The following PTPRS variants were observed in gnomAD, a reference collection of about 807,000 sequenced individuals.
PTPRS encodes protein tyrosine phosphatase receptor type S.
A neutral mutation model predicts 215.3 loss-of-function variants in PTPRS; 63 were observed. That is an observed-to-expected ratio of 0.29 (90% CI 0.24 to 0.36). The LOEUF is 0.36. Among genes scored for constraint, PTPRS ranks in the 10% least tolerant of loss-of-function variants. The pLI is 1.00. For synonymous variants in PTPRS, 1,404 were observed against 1,191.4 expected (o/e 1.18, Z -3.68); for missense variants, 2,258 against 2,825.8 (o/e 0.80, Z 4.56).
chr19:5,285,056 T>C (rs1170718057), intron 2 of PTPRS, among the ~76,000 whole-genome samples: 1 of 152,208 alleles, frequency 6.6e-6, no homozygotes, highest in East Asian at 1.9e-4. Flanking sequence ...AATACCTACG[T>C]TTGTGGTAAC....
At chr19:5,300,240 C>CA (rs67349608) in intron 1 of PTPRS, among the ~76,000 whole-genome samples, 12,661 of 113,282 alleles carry the variant, frequency 0.11, 817 homozygotes, top group African/African-American at 0.2. Flanking sequence ...GACTCCATCT[C>CA]AAAAAAAAAA....
chr19:5,316,486 G>C (rs560292470), intron 1 of PTPRS, among the ~76,000 whole-genome samples: 1 of 152,084 alleles, frequency 6.6e-6, no homozygotes, highest in African/African-American at 2.4e-5. Context: ...TCGGCCTCCC[G>C]GGTTCAAGCA....
intron 1 of PTPRS, among the ~76,000 whole-genome samples, chr19:5,331,127 T>TAAAAAAAAAAAA (rs1568622692): frequency 4.3e-4 from 35 of 80,694 alleles, no homozygotes; most frequent in Middle Eastern, 6.8e-3. Flanking sequence ...GCTTCTTTTT[T>TAAAAAAAAAAAA]TAAAAAAAAA....
Position 5,248,271 on chromosome 19 carries a change from G to A in PTPRS, c.719-2226C>T, listed in dbSNP as rs2044687116. ...GGTATCGACGTCCAAAACAAAACCA[G>A]GAAGAACAAATGAAATAACAAAGCA... is the stretch of plus-strand genomic sequence containing the variant. On this transcript the variant is annotated intron_variant, in intron 9 of 37. Transcript: ENST00000262963. Among the ~76,000 whole-genome samples, 3 of 150,268 alleles carry A rather than the reference G, an allele frequency of 2.0e-5. No homozygotes were observed. In the South Asian group the frequency reaches 6.2e-4, roughly 31 times the overall value.
At chr19:5,269,367 C>A (rs377043818) in intron 4 of PTPRS, among the ~76,000 whole-genome samples, 1 of 151,996 alleles carries the variant, frequency 6.6e-6, no homozygotes, top group Non-Finnish European at 1.5e-5. Flanking sequence ...CCCAGTTCCT[C>A]GGAGTTTAAT....
chr19:5,236,508 T>C (rs73543300), intron 13 of PTPRS, among the ~76,000 whole-genome samples: 18,986 of 152,224 alleles, frequency 0.12, 1,563 homozygotes, highest in African/African-American at 0.24. Context: ...CCAGAGAGAT[T>C]ACTGGCCTTG....
At position 5,255,579 on chromosome 19, in the gene PTPRS, AAAAAAAG is replaced by A. The variant is rs954598740; in HGVS notation, c.718+522_718+528del. Among the ~76,000 whole-genome samples the A allele has an allele frequency of 1.3e-4, 20 of 152,016 alleles. 3 individuals are homozygous for A. Among genetic ancestry groups the A allele is most frequent in the Admixed American group, 4.6e-4 (7 of 15,284 alleles). On this transcript the variant is annotated intron_variant, in intron 9 of 37. Transcript: ENST00000262963. ...CCCCCAAAACGAAACAAAACCAAAG[AAAAAAAG>A]AAAAAAGAAAAAAAAAAGAAAAAGG...
At chr19:5,211,853 T>C in intron 32 of PTPRS, 85 bp from the exon 33 acceptor site, 1 of 1,577,572 alleles carries the variant, frequency 6.3e-7, no homozygotes, top group Non-Finnish European at 8.6e-7. Context: ...GATAGGTAGG[T>C]AGGGGCACCC....
intron 36 of PTPRS, 31 bp from the exon 37 acceptor site, chr19:5,208,088 A>G (rs1568356156): frequency 1.9e-6 from 3 of 1,602,744 alleles, no homozygotes; most frequent in Non-Finnish European, 1.7e-6. Flanking sequence ...ACAGCCATTC[A>G]GGGGCAGGTG....
rs1053573386 is a variant in PTPRS at position 5,293,267 on chromosome 19, G to A, written c.-94-7033C>T. On this transcript the variant is annotated intron_variant, in intron 1 of 37. Coordinates refer to ENST00000262963, the MANE Select transcript of PTPRS (RefSeq NM_002850.4). This position sits in a 1 kb window ranked among gnomAD's most constrained non-coding sequence, Gnocchi z 8.4. ...GAAGACTCGGGAGAGGCCTCGGCCT[G>A]GGGAGCTCGGCCTGGGGGCGGGGCA... 3 of 151,362 alleles carry A rather than the reference G, an allele frequency of 2.0e-5. No homozygotes were observed. Among genetic ancestry groups the A allele is most frequent in the Non-Finnish European group, 4.4e-5 (3 of 67,704 alleles). The allele number at this position is 151,362 out of a possible 1,614,324, so 9.4% of individuals were successfully genotyped here. A position where few individuals can be genotyped will look rare whatever the true frequency, so the allele number is the denominator to read the frequency against.
At chr19:5,296,308 C>T (rs759831832) in intron 1 of PTPRS, among the ~76,000 whole-genome samples, 1 of 152,150 alleles carries the variant, frequency 6.6e-6, no homozygotes, top group Non-Finnish European at 1.5e-5. Context: ...TTGAGACCAG[C>T]CTGGGCAATA....
Position 5,257,975 on chromosome 19 carries a change from G to A in PTPRS, c.706+42C>T, listed in dbSNP as rs773214651. On this transcript the variant is annotated intron_variant, in intron 8 of 37. Coordinates refer to ENST00000262963, the MANE Select transcript of PTPRS (RefSeq NM_002850.4). This position sits in a 1 kb window ranked among gnomAD's most constrained non-coding sequence, Gnocchi z 4.4. ...GCCCGAGGAGGGAGGGGGATGGGAC[G>A]GGGCGGGTCCCTGCCTTTGACCTGG... is the stretch of plus-strand genomic sequence containing the variant. The A allele has an allele frequency of 3.0e-5, 47 of 1,541,476 alleles. No individual in the cohort carries two copies. The highest frequency in any genetic ancestry group is 5.4e-5 in the African/African-American group (4 of 73,556).
intron 1 of PTPRS, among the ~76,000 whole-genome samples, chr19:5,331,629 C>A (rs1242927051): frequency 1.3e-5 from 2 of 152,114 alleles, no homozygotes; most frequent in Admixed American, 6.5e-5. Context: ...GCAAAAGTGA[C>A]CCCGGCTGAG....
At chr19:5,218,688 G>T in intron 24 of PTPRS, 99 bp downstream of exon 24, 1 of 1,538,466 alleles carries the variant, frequency 6.5e-7, no homozygotes, top group Non-Finnish European at 9.0e-7. Flanking sequence ...CAAGCTGTGG[G>T]GGCAGCCGGG....
In PTPRS at chr19:5,291,802, C is replaced by T. The variant is rs559210307; in HGVS notation, c.-94-5568G>A. On this transcript the variant is annotated intron_variant, in intron 1 of 37. Coordinates refer to ENST00000262963, the MANE Select transcript of PTPRS (RefSeq NM_002850.4). ...AAACCCTCCATGGCTCCCATCAACA[C>T]GTATTAAAACTCAGACTGCTACCTC... 2.0e-4 allele frequency among the ~76,000 whole-genome samples: 30 copies of T among 152,148 alleles called. No individual in the cohort carries two copies. In the South Asian group the frequency reaches 4.8e-3, roughly 24 times the overall value.
chr19:5,293,683 G>A lies in PTPRS; in HGVS notation c.-94-7449C>T, dbSNP rs2049025012. The stretch of plus-strand genomic sequence containing the variant: ...GCAGAGTTCCCCTCCCAGTCTGGGT[G>A]GGACCGGAGGCACGGTGATGGGGGC... On this transcript the variant is annotated intron_variant, in intron 1 of 37. Transcript: ENST00000262963. The surrounding 1 kb of genome is among the most constrained non-coding windows in gnomAD (Gnocchi z 8.4). Among the ~76,000 whole-genome samples the A allele has an allele frequency of 6.6e-6, 1 of 152,072 alleles. No individual in the cohort carries two copies. Among genetic ancestry groups the A allele is most frequent in the Non-Finnish European group, 1.5e-5 (1 of 67,980 alleles).
chr19:5,243,045 C>T (rs2044176142), intron 11 of PTPRS, among the ~76,000 whole-genome samples: 1 of 151,788 alleles, frequency 6.6e-6, no homozygotes, highest in African/African-American at 2.4e-5. Context: ...ACTGAAACTC[C>T]TGGGCTTAAG....
intron 1 of PTPRS, among the ~76,000 whole-genome samples, chr19:5,337,999 G>A (rs112772146): frequency 1.6e-3 from 249 of 152,254 alleles, no homozygotes; most frequent in African/African-American, 5.8e-3. Context: ...GGCTCTCAAG[G>A]TTTCCTGGAG....
chr19:5,214,539 G>A (rs2041238859), intron 29 of PTPRS, 22 bp downstream of exon 29: 6 of 1,612,108 alleles, frequency 3.7e-6, no homozygotes, highest in Non-Finnish European at 5.1e-6. Flanking sequence ...GGGGCTTGAG[G>A]GCCGTGGGGT....
Sources: allele counts gnomAD v4.1 joint callset (sites outside exome capture counted in the v4.1 genomes callset), GRCh38; gene constraint gnomAD v4.1.1; non-coding constraint Gnocchi (gnomAD v3.1); transcripts MANE v1.5; gene names NCBI Gene and HGNC (gene_info 2026-07-23, HGNC 2026-07-21).